DNAH5: variants seen among roughly 807,000 people sequenced by gnomAD.
DNAH5 encodes the protein axonemal beta dynein heavy chain 5.
Under a neutral mutation model 518.2 loss-of-function variants are expected in DNAH5, and 372 were observed. That is an observed-to-expected ratio of 0.72 (90% CI 0.66 to 0.78). DNAH5 has a LOEUF of 0.78. Ranked by LOEUF, DNAH5 falls within the 30% of genes least tolerant of loss-of-function variation. The probability of loss-of-function intolerance (pLI) is 0.00; values close to 1 mark genes in which losing one functional copy is unlikely to be tolerated. For missense variants in DNAH5, 5,523 were observed against 5,687.0 expected (o/e 0.97, Z 0.93); for synonymous variants, 2,039 against 2,025.9 (o/e 1.01, Z -0.17).
At position 13,788,900 on chromosome 5, in the gene DNAH5, C is replaced by T; in HGVS notation, c.8463G>A (p.Leu2821=). ...VIKEPNDLLK[L]WKHECKRVIA... ...TAACACGTTTACACTCATGCTTCCA[C>T]AGCTTTAACAGATCCTGTTGAAAGT... Residue 2821 remains leucine, a synonymous_variant, in exon 51 of 79, where the codon CTG becomes CTA. Transcript: ENST00000265104. 3 of 1,614,046 alleles carry T rather than the reference C, an allele frequency of 1.9e-6. No individual in the cohort carries two copies. Among genetic ancestry groups the T allele is most frequent in the Non-Finnish European group, 1.7e-6 (2 of 1,179,944 alleles).
At chr5:13,963,002 T>C (rs1781287568) in intron 1 of DNAH5, among the ~76,000 whole-genome samples, 1 of 151,974 alleles carries the variant, frequency 6.6e-6, no homozygotes, top group Non-Finnish European at 1.5e-5. Flanking sequence ...GCAGGGAGCA[T>C]CTCCCTGCCC....
intron 78 of DNAH5, among the ~76,000 whole-genome samples, chr5:13,697,628 C>T (rs1454525893): frequency 6.6e-6 from 1 of 152,192 alleles, no homozygotes; most frequent in Non-Finnish European, 1.5e-5. Flanking sequence ...TCTTCCAACT[C>T]CCCCATTTCC....
chr5:13,915,430 C>A (rs1776541892), intron 9 of DNAH5, among the ~76,000 whole-genome samples: 1 of 152,026 alleles, frequency 6.6e-6, no homozygotes, highest in Non-Finnish European at 1.5e-5. Context: ...TCAAGTTTTG[C>A]AAATAATATG....
At chr5:13,899,750 G>A in intron 15 of DNAH5, 1 of 178,840 alleles carries the variant, frequency 5.6e-6, no homozygotes, top group South Asian at 1.3e-4. Context: ...TTATTCCTGA[G>A]TTCTCTTATA....
intron 47 of DNAH5, among the ~76,000 whole-genome samples, chr5:13,798,168 C>T (rs1758129426): frequency 6.6e-6 from 1 of 152,038 alleles, no homozygotes. Context: ...CAAACCTGCA[C>T]ACTGTGCACA....
intron 30 of DNAH5, among the ~76,000 whole-genome samples, chr5:13,854,329 T>A (rs1298566380): frequency 6.6e-6 from 1 of 152,204 alleles, no homozygotes; most frequent in Non-Finnish European, 1.5e-5. Context: ...TGAGGGACTT[T>A]GTCAGCACCA....
chr5:13,694,870 ATATT>A (rs1367705697), intron 78 of DNAH5, among the ~76,000 whole-genome samples: 2 of 152,230 alleles, frequency 1.3e-5, no homozygotes, highest in Non-Finnish European at 2.9e-5. Flanking sequence ...ATTGAAAAAA[ATATT>A]TATTATATGC....
At chr5:13,764,596 G>GTA (rs1752251098) in intron 59 of DNAH5, among the ~76,000 whole-genome samples, 1 of 152,244 alleles carries the variant, frequency 6.6e-6, no homozygotes, top group East Asian at 1.9e-4. Context: ...CTGCTGGTAG[G>GTA]TATATATATA....
chr5:13,953,415 T>C (rs1438966205), intron 1 of DNAH5, among the ~76,000 whole-genome samples: 1 of 152,214 alleles, frequency 6.6e-6, no homozygotes, highest in Non-Finnish European at 1.5e-5. Context: ...ACAGTTAACA[T>C]TGGGCCTTAT....
chr5:13,768,849 T>G (rs1752888085), intron 58 of DNAH5, 111 bp downstream of exon 58: 1 of 1,229,984 alleles, frequency 8.1e-7, no homozygotes, highest in African/African-American at 1.5e-5. Flanking sequence ...CTCAAGTGGA[T>G]AGAGCTTTCA....
At chr5:13,796,030 G>C (rs1303570525) in intron 47 of DNAH5, among the ~76,000 whole-genome samples, 1 of 152,088 alleles carries the variant, frequency 6.6e-6, no homozygotes, top group Non-Finnish European at 1.5e-5. Context: ...CAATAAACTA[G>C]GTATTGATGG....
chr5:13,885,255 T>C (rs1270800343), intron 18 of DNAH5, 27 bp from the exon 19 acceptor site: 8 of 1,612,750 alleles, frequency 5.0e-6, no homozygotes, highest in Non-Finnish European at 5.9e-6. Flanking sequence ...GAGATAGAGA[T>C]AGAGATAAGT....
In DNAH5 at chr5:13,737,385, G is replaced by C. The variant is rs267600357; in HGVS notation, c.11322C>G (p.Ser3774=). The change falls in exon 66 of 79, where the codon TCC becomes TCG. Residue 3774 remains serine, a synonymous_variant. Coordinates refer to ENST00000265104, the MANE Select transcript of DNAH5 (RefSeq NM_001369.3). ...LLYRLTSTQG[S]LVEDESLIVV... ...CAATGAGACTTTCATCTTCTACCAG[G>C]GACCCCTGGGTACTTGTCAGGCGGT... The C allele has an allele frequency of 1.2e-6, 2 of 1,614,008 alleles. No individual in the cohort carries two copies. The highest frequency in any genetic ancestry group is 3.3e-5 in the Admixed American group (2 of 60,000).
intron 1 of DNAH5, among the ~76,000 whole-genome samples, chr5:13,957,187 T>C (rs529015452): frequency 6.6e-6 from 1 of 152,172 alleles, no homozygotes; most frequent in South Asian, 2.1e-4. Flanking sequence ...AAGCACAATA[T>C]GCTAAACAAA....
chr5:13,765,943 T>C, intron 59 of DNAH5, 33 bp downstream of exon 59: 1 of 1,599,986 alleles, frequency 6.3e-7, no homozygotes, highest in Non-Finnish European at 8.6e-7. Context: ...AAGAATGAGT[T>C]CCCTCTTAGC....
At chr5:13,705,721 C>G (rs58013641) in intron 76 of DNAH5, among the ~76,000 whole-genome samples, 4,389 of 152,210 alleles carry the variant, frequency 0.029, 204 homozygotes, top group African/African-American at 0.096. Flanking sequence ...AAGGCATAAG[C>G]GTGACCCTAA....
chr5:13,925,941 CAAT>C (rs1777820001), intron 3 of DNAH5, among the ~76,000 whole-genome samples: 1 of 152,192 alleles, frequency 6.6e-6, no homozygotes, highest in Admixed American at 6.5e-5. Context: ...TCACTCCAGT[CAAT>C]AAACAAGGTC....
intron 78 of DNAH5, among the ~76,000 whole-genome samples, chr5:13,693,926 T>C (rs1382966635): frequency 6.6e-6 from 1 of 152,224 alleles, no homozygotes; most frequent in Non-Finnish European, 1.5e-5. Flanking sequence ...GGCAAATATA[T>C]ATGAAAAATT....
rs1250972452 is a variant in DNAH5, at chr5:13,762,812, T to C, written c.10191A>G (p.Lys3397=). The C allele has an allele frequency of 6.2e-7, 1 of 1,614,126 alleles. No individual in the cohort carries two copies. Among genetic ancestry groups the C allele is most frequent in the East Asian group, 2.2e-5 (1 of 44,880 alleles). Reference sequence around the variant, plus strand: ...GACCAGCTACATTTCCACATACGCGTTTAGCAGTTTCGATGTTATAGTCAG... The same window carrying C: ...GACCAGCTACATTTCCACATACGCGCTTAGCAGTTTCGATGTTATAGTCAG... ...EMPDYNIETA[K]RVCGNVAGLC... The change falls in exon 60 of 79, where the codon AAA becomes AAG. Residue 3397 remains lysine, a synonymous_variant. Coordinates refer to ENST00000265104, the MANE Select transcript of DNAH5 (RefSeq NM_001369.3).
Sources: gnomAD v4.1 joint callset for allele counts (sites outside exome capture counted in the v4.1 genomes callset) on GRCh38, gnomAD v4.1.1 for gene constraint, MANE v1.5 for transcripts, NCBI Gene and HGNC (gene_info 2026-07-23, HGNC 2026-07-21) for gene names.